The following JAK2 variants were observed in gnomAD, a reference collection of about 807,000 sequenced individuals.
JAK2 encodes the protein Janus kinase 2, also known as tyrosine-protein kinase JAK2.
In JAK2, 86 loss-of-function variants were observed where a neutral mutation model predicts 139.3. The observed-to-expected ratio is 0.62, with a 90% CI of 0.52 to 0.74. The LOEUF (loss-of-function observed/expected upper bound fraction) is 0.74. Ranked by LOEUF, JAK2 falls within the 30% of genes least tolerant of loss-of-function variation. The probability of loss-of-function intolerance (pLI) is 0.00; values close to 1 mark genes in which losing one functional copy is unlikely to be tolerated. For synonymous variants in JAK2, 490 were observed against 437.7 expected, an observed-to-expected ratio of 1.12 and a Z score of -1.49; for missense variants, 1,421 against 1,360.3, an observed-to-expected ratio of 1.04 and a Z score of -0.70.
At position 5,041,028 on chromosome 9, in the gene JAK2, C is replaced by T. The variant is rs191248647; in HGVS notation, c.351-3375C>T. 981 of 669,666 alleles carry T rather than the reference C, an allele frequency of 1.5e-3. 9 individuals carry two copies. The African/African-American group carries it at 0.015, about 10-fold the overall frequency. 41.5% of individuals were successfully genotyped at this position (669,666 alleles called of 1,614,324 possible). A position where few individuals can be genotyped will look rare whatever the true frequency, so the allele number is the denominator to read the frequency against. On this transcript the variant is annotated intron_variant, in intron 4 of 24. Coordinates refer to ENST00000381652, the MANE Select transcript of JAK2 (RefSeq NM_004972.4). ...GGACCCCGCAGCTGCACCTGGGTAC[C>T]GGTTCTACAAGCAGCTCAGCGCCAT...
intron 4 of JAK2, among the ~76,000 whole-genome samples, chr9:5,040,369 G>A (rs1478167186): frequency 6.6e-6 from 1 of 151,522 alleles, no homozygotes; most frequent in African/African-American, 2.4e-5. Flanking sequence ...AAGAAACACA[G>A]AAGTCTTTGT....
chr9:5,063,172 C>T (rs535187919), intron 8 of JAK2, among the ~76,000 whole-genome samples: 12 of 152,052 alleles, frequency 7.9e-5, no homozygotes, highest in African/African-American at 2.9e-4. Flanking sequence ...ATTGCTGGGC[C>T]AAGAAATATG....
intron 4 of JAK2, 132 bp downstream of exon 4, chr9:5,030,038 A>G: frequency 1.5e-6 from 1 of 686,274 alleles, no homozygotes; most frequent in Non-Finnish European, 2.3e-6. Context: ...TTAAGATTTC[A>G]TTTAAGATTC....
At chr9:5,042,082 G>A (rs62541543) in intron 4 of JAK2, 51,615 of 222,438 alleles carry the variant, frequency 0.23, 6,836 homozygotes, top group Admixed American at 0.27. Flanking sequence ...CCCATCCCCG[G>A]GACGAGGGGT....
At chr9:5,046,324 A>G (rs1313631137) in intron 5 of JAK2, among the ~76,000 whole-genome samples, 1 of 152,194 alleles carries the variant, frequency 6.6e-6, no homozygotes, top group Non-Finnish European at 1.5e-5. Flanking sequence ...TATAAGATAC[A>G]TGATTTGTAG....
intron 4 of JAK2, among the ~76,000 whole-genome samples, chr9:5,033,847 A>G (rs570855494): frequency 6.6e-6 from 1 of 152,308 alleles, no homozygotes; most frequent in South Asian, 2.1e-4. Context: ...GAGCAAAATA[A>G]CCAGGTAACG....
chr9:5,122,940 C>A, intron 22 of JAK2, 64 bp from the exon 23 acceptor site: 2 of 932,134 alleles, frequency 2.1e-6, no homozygotes, highest in South Asian at 1.7e-5. Context: ...CAATGATTTG[C>A]AGGTAAAATC....
At chr9:5,119,969 G>C (rs1823489766) in intron 22 of JAK2, among the ~76,000 whole-genome samples, 1 of 152,058 alleles carries the variant, frequency 6.6e-6, no homozygotes, top group South Asian at 2.1e-4. Context: ...CTAACTTATT[G>C]AATAATAAAC....
intron 2 of JAK2, among the ~76,000 whole-genome samples, chr9:5,017,306 ACCCAAAACAATGATGAG>A (rs1391172284): frequency 1.3e-5 from 2 of 152,348 alleles, no homozygotes; most frequent in Admixed American, 6.5e-5. Flanking sequence ...CTGAAGGAAG[ACCCAAAACAATGATGAG>A]CACAAAACAA....
chr9:5,044,638 G>A, intron 5 of JAK2, 118 bp downstream of exon 5: 1 of 582,522 alleles, frequency 1.7e-6, no homozygotes, highest in Non-Finnish European at 3.0e-6. Flanking sequence ...GTCTTGCACA[G>A]CAGGTGCAGA....
intron 2 of JAK2, among the ~76,000 whole-genome samples, chr9:4,997,910 G>A (rs547592909): frequency 4.0e-5 from 6 of 151,802 alleles, no homozygotes; most frequent in East Asian, 3.9e-4. Flanking sequence ...TTTATCCATA[G>A]GTGCTTAATT....
intron 22 of JAK2, among the ~76,000 whole-genome samples, chr9:5,092,530 C>T (rs1458515007): frequency 6.6e-6 from 1 of 152,110 alleles, no homozygotes; most frequent in Non-Finnish European, 1.5e-5. Flanking sequence ...CGTAATCAAA[C>T]CATTTACCTT....
chr9:5,076,276 A>C (rs1369462375), intron 14 of JAK2, among the ~76,000 whole-genome samples: 1 of 152,188 alleles, frequency 6.6e-6, no homozygotes, highest in African/African-American at 2.4e-5. Context: ...GTAAAGTTCT[A>C]CTGTGGGTAG....
In JAK2 at chr9:5,069,969, G is replaced by A; in HGVS notation, c.1558G>A (p.Val520Ile). The change falls in exon 12 of 25, where the codon GTA becomes ATA. Residue 520 changes from valine (V) to isoleucine (I), a missense_variant. Transcript: ENST00000381652. ...LVFRTNGVSDVPTSPTLQRPT... is the reference protein window; with the variant it reads ...LVFRTNGVSDIPTSPTLQRPT... ...CTTCAGAACGAATGGTGTTTCTGATGTACCAACCTCACCAACATTACAGAG... is the reference window on the plus strand; with the variant it reads ...CTTCAGAACGAATGGTGTTTCTGATATACCAACCTCACCAACATTACAGAG... 1.2e-6 allele frequency: 2 copies of A among 1,607,568 alleles called. No individual in the cohort carries two copies. Among genetic ancestry groups the A allele is most frequent in the Non-Finnish European group, 1.7e-6 (2 of 1,175,188 alleles).
chr9:4,993,587 G>T (rs902339452), intron 2 of JAK2, among the ~76,000 whole-genome samples: 8 of 152,134 alleles, frequency 5.3e-5, no homozygotes, highest in African/African-American at 1.7e-4. Flanking sequence ...GCCCTAGTAT[G>T]TAACAAGGGT....
chr9:4,996,457 A>G (rs1421647599), intron 2 of JAK2, among the ~76,000 whole-genome samples: 1 of 152,088 alleles, frequency 6.6e-6, no homozygotes, highest in African/African-American at 2.4e-5. Flanking sequence ...TCAAAAAATA[A>G]ATAAATAAAT....
intron 22 of JAK2, among the ~76,000 whole-genome samples, chr9:5,118,108 C>T (rs756597429): frequency 6.6e-6 from 1 of 152,132 alleles, no homozygotes; most frequent in Non-Finnish European, 1.5e-5. Flanking sequence ...TTGCAGTGAG[C>T]GGAGACCTCG....
At chr9:5,017,189 T>C (rs748230600) in intron 2 of JAK2, among the ~76,000 whole-genome samples, 42 of 152,152 alleles carry the variant, frequency 2.8e-4, no homozygotes, top group Non-Finnish European at 4.7e-4. Context: ...AAATAGGATT[T>C]TGAGAGTGAG....
Position 5,090,795 on chromosome 9 carries a change from T to C in JAK2, c.2943T>C (p.Asn981=), listed in dbSNP as rs763665304. ...RYIHRDLATR[N]ILVENENRVK... is the part of the protein sequence containing the mutation. ...TCCACAGGGATCTGGCAACGAGAAA[T>C]ATATTGGTGGAGAACGAGAACAGAG... The change falls in exon 22 of 25, where the codon AAT becomes AAC. Residue 981 remains asparagine, a synonymous_variant. Coordinates refer to ENST00000381652, the MANE Select transcript of JAK2 (RefSeq NM_004972.4). The C allele has an allele frequency of 1.9e-6, 3 of 1,613,416 alleles. No homozygotes were observed. The highest frequency in any genetic ancestry group is 2.5e-6 in the Non-Finnish European group (3 of 1,179,652).
Sources: gnomAD v4.1 joint callset for allele counts (sites outside exome capture counted in the v4.1 genomes callset) on GRCh38, gnomAD v4.1.1 for gene constraint, MANE v1.5 for transcripts, NCBI Gene and HGNC (gene_info 2026-07-23, HGNC 2026-07-21) for gene names.